The following PYM1 variants were observed in gnomAD, a reference collection of about 807,000 sequenced individuals.
The protein encoded by PYM1 is PYM1 exon junction complex associated factor.
In PYM1, 7 loss-of-function variants were observed where a neutral mutation model predicts 20.7. The observed-to-expected ratio is 0.34, with a 90% CI of 0.19 to 0.64. The LOEUF is 0.64. Among genes scored for constraint, PYM1 ranks in the 30% least tolerant of loss-of-function variants. The pLI is 0.74. For synonymous variants in PYM1, 100 were observed against 99.2 expected, an observed-to-expected ratio of 1.01 and a Z score of -0.05; for missense variants, 194 against 250.0, an observed-to-expected ratio of 0.78 and a Z score of 1.51.
At position 55,901,920 on chromosome 12, in the gene PYM1, C is replaced by T. The variant is rs1882696928; in HGVS notation, c.567G>A (p.Arg189=). The T allele has an allele frequency of 6.2e-7, 1 of 1,613,970 alleles. No homozygotes were observed. The highest frequency in any genetic ancestry group is 8.5e-7 in the Non-Finnish European group (1 of 1,179,984). ...CTAACTCCTCTTCTAGCGCCCTCCT[C>T]CTTGCTAGCTTTTCTAGCTGCTCTT... is the stretch of plus-strand genomic sequence containing the variant. The part of the protein sequence containing the change: ...PSKEQLEKLA[R]RRALEEELED... The change falls in exon 3 of 3, where the codon AGG becomes AGA. Residue 189 remains arginine (R), a synonymous_variant. Coordinates refer to ENST00000408946, the MANE Select transcript of PYM1 (RefSeq NM_032345.3).
chr12:55,909,452 CAACA>C (rs1882882370), intron 1 of PYM1, among the ~76,000 whole-genome samples: 2 of 152,128 alleles, frequency 1.3e-5, no homozygotes, highest in Non-Finnish European at 2.9e-5. Context: ...GGCATGCACT[CAACA>C]AATATTTGTC....
At chr12:55,924,712 T>G (rs928680155) in intron 1 of PYM1, among the ~76,000 whole-genome samples, 2 of 152,242 alleles carry the variant, frequency 1.3e-5, no homozygotes, top group African/African-American at 2.4e-5. Flanking sequence ...AGTCTCGCTC[T>G]GTCGCCCAGG....
chr12:55,910,277 ATATATATAT>A (rs1882898346), intron 1 of PYM1, among the ~76,000 whole-genome samples: 1 of 38,872 alleles, frequency 2.6e-5, no homozygotes, highest in African/African-American at 1.1e-4. Flanking sequence ...ATATATATAT[ATATATATAT>A]AAAATTTTTT....
chr12:55,902,858 C>T (rs1882719726), intron 2 of PYM1, among the ~76,000 whole-genome samples: 2 of 151,794 alleles, frequency 1.3e-5, no homozygotes, highest in South Asian at 4.2e-4. Flanking sequence ...CCTCCCACTT[C>T]CCGGGTTCAA....
chr12:55,927,435 G>A (rs1031491839), intron 1 of PYM1: 13 of 706,952 alleles, frequency 1.8e-5, no homozygotes, highest in African/African-American at 8.8e-5. Flanking sequence ...GAGGGAAAAG[G>A]GCGCAAGGCC....
At chr12:55,907,526 T>C (rs1068189) in intron 1 of PYM1, among the ~76,000 whole-genome samples, 5,674 of 149,030 alleles carry the variant, frequency 0.038, 365 homozygotes, top group African/African-American at 0.13. Context: ...CCCAGCTACT[T>C]GGGAGGTTGA....
chr12:55,913,119 A>G (rs529501454), intron 1 of PYM1, among the ~76,000 whole-genome samples: 22 of 152,292 alleles, frequency 1.4e-4, no homozygotes, highest in African/African-American at 5.3e-4. Flanking sequence ...TAAAGGTCAA[A>G]TTCAAGTATC....
chr12:55,906,340 C>A (rs1190791929), intron 1 of PYM1, among the ~76,000 whole-genome samples: 1 of 151,964 alleles, frequency 6.6e-6, no homozygotes, highest in Non-Finnish European at 1.5e-5. Flanking sequence ...TTCATTGTAT[C>A]ATCAATGATA....
At chr12:55,922,885 A>C (rs557437201) in intron 1 of PYM1, among the ~76,000 whole-genome samples, 5 of 152,316 alleles carry the variant, frequency 3.3e-5, no homozygotes, top group African/African-American at 1.2e-4. Flanking sequence ...CATGAGAACT[A>C]AATGTTATGT....
chr12:55,912,271 G>T (rs541314549), intron 1 of PYM1, among the ~76,000 whole-genome samples: 58 of 152,098 alleles, frequency 3.8e-4, no homozygotes, highest in Non-Finnish European at 2.2e-4. Flanking sequence ...ACAATCACTT[G>T]AGTCTGGGAA....
chr12:55,917,560 T>C (rs150009562), intron 1 of PYM1, among the ~76,000 whole-genome samples: 11 of 152,220 alleles, frequency 7.2e-5, no homozygotes, highest in African/African-American at 2.6e-4. Flanking sequence ...GAAAACCAAA[T>C]ACTGCATGTT....
chr12:55,909,563 C>T (rs950061890), intron 1 of PYM1, among the ~76,000 whole-genome samples: 2 of 146,118 alleles, frequency 1.4e-5, no homozygotes, highest in African/African-American at 5.1e-5. Flanking sequence ...TTTAATCTAG[C>T]ATAATAAAAG....
chr12:55,921,891 T>A (rs1036204904), intron 1 of PYM1, among the ~76,000 whole-genome samples: 1 of 152,180 alleles, frequency 6.6e-6, no homozygotes, highest in Non-Finnish European at 1.5e-5. Context: ...TGTGTTTTTT[T>A]AATTGTTTTT....
At chr12:55,917,903 T>C (rs1883034948) in intron 1 of PYM1, among the ~76,000 whole-genome samples, 1 of 151,354 alleles carries the variant, frequency 6.6e-6, no homozygotes, top group South Asian at 2.1e-4. Flanking sequence ...GAGGTTGTAG[T>C]GAGCCAAGAT....
At chr12:55,923,149 G>A (rs370580838) in intron 1 of PYM1, among the ~76,000 whole-genome samples, 42 of 152,192 alleles carry the variant, frequency 2.8e-4, no homozygotes, top group East Asian at 1.5e-3. Flanking sequence ...ACTTGAACCC[G>A]GGAGGCAGAG....
At chr12:55,903,138 C>T (rs1882726269) in intron 2 of PYM1, among the ~76,000 whole-genome samples, 1 of 152,148 alleles carries the variant, frequency 6.6e-6, no homozygotes, top group African/African-American at 2.4e-5. Context: ...AGGAAAGATG[C>T]AGCGAAGTCC....
intron 1 of PYM1, among the ~76,000 whole-genome samples, chr12:55,908,784 G>C (rs947911060): frequency 6.6e-6 from 1 of 151,878 alleles, no homozygotes; most frequent in African/African-American, 2.4e-5. Flanking sequence ...CCCAGGAGGC[G>C]GAGGCTGCAG....
intron 1 of PYM1, among the ~76,000 whole-genome samples, chr12:55,917,467 G>A (rs1883027647): frequency 6.6e-6 from 1 of 151,986 alleles, no homozygotes; most frequent in African/African-American, 2.4e-5. Flanking sequence ...GTCTGTCACA[G>A]CCATAAAGAG....
chr12:55,927,336 G>T, intron 1 of PYM1: 2 of 756,460 alleles, frequency 2.6e-6, no homozygotes, highest in Non-Finnish European at 2.3e-6. Flanking sequence ...AGCGCTTGCT[G>T]CCTGTAAAAC....
Sources: allele counts gnomAD v4.1 joint callset (sites outside exome capture counted in the v4.1 genomes callset), GRCh38; gene constraint gnomAD v4.1.1; transcripts MANE v1.5; gene names NCBI Gene and HGNC (gene_info 2026-07-23, HGNC 2026-07-21).